The following RAD51B variants were observed in gnomAD, a reference collection of about 807,000 sequenced individuals.
RAD51B encodes RAD51 paralog B, also known as DNA repair protein RAD51 homolog 2.
RAD51B carries 38 observed loss-of-function variants against 42.2 expected under a neutral mutation model. The observed-to-expected ratio is 0.90, with a 90% confidence interval of 0.70 to 1.18. RAD51B has a LOEUF of 1.18. Ranked by LOEUF, RAD51B falls within the 50% of genes most tolerant of loss-of-function variation. RAD51B has a pLI of 0.00. For synonymous variants in RAD51B, 154 were observed against 145.2 expected (o/e 1.06, Z -0.43); for missense variants, 373 against 400.7 (o/e 0.93, Z 0.59).
At chr14:67,887,381 A>G (rs1332677580) in intron 7 of RAD51B, 177 bp downstream of exon 7, 4 of 472,842 alleles carry the variant, frequency 8.5e-6, no homozygotes, top group African/African-American at 8.0e-5. Flanking sequence ...AAATTAGCTC[A>G]TCTGCTGAGA....
At chr14:68,009,380 T>TAG (rs774351528) in intron 7 of RAD51B, among the ~76,000 whole-genome samples, 8 of 151,980 alleles carry the variant, frequency 5.3e-5, no homozygotes, top group Non-Finnish European at 1.2e-4. Flanking sequence ...TATCCTTATC[T>TAG]GTAAAGTAGA....
In RAD51B at chr14:68,521,024, T is replaced by A. The variant is rs75458609; in HGVS notation, c.1036+52774T>A. Among the ~76,000 whole-genome samples, 1,000 of 152,072 alleles carry A rather than the reference T, an allele frequency of 6.6e-3. 11 individuals carry two copies. The highest frequency in any genetic ancestry group is 0.022 in the African/African-American group (894 of 41,460). On this transcript the variant is annotated intron_variant, in intron 10 of 10. Coordinates refer to the RAD51B transcript ENST00000487270. ...CATGGAGCGTTTTGTTTGAGGTACTTGAAAGGGAGATGTCAAGTAGGCAAC... is the reference window on the plus strand; with the variant it reads ...CATGGAGCGTTTTGTTTGAGGTACTAGAAAGGGAGATGTCAAGTAGGCAAC...
intron 7 of RAD51B, among the ~76,000 whole-genome samples, chr14:67,990,312 A>G (rs1263541591): frequency 6.6e-6 from 1 of 152,154 alleles, no homozygotes; most frequent in Non-Finnish European, 1.5e-5. Context: ...TCATTTAATC[A>G]ATTTTGTCAA....
At chr14:68,317,928 T>C (rs1194518192) in intron 8 of RAD51B, among the ~76,000 whole-genome samples, 1 of 152,222 alleles carries the variant, frequency 6.6e-6, no homozygotes, top group Non-Finnish European at 1.5e-5. Context: ...TATTTCTATA[T>C]ACTTATGTCA....
intron 7 of RAD51B, among the ~76,000 whole-genome samples, chr14:68,270,779 T>G (rs2081089468): frequency 6.6e-6 from 1 of 152,212 alleles, no homozygotes; most frequent in South Asian, 2.1e-4. Flanking sequence ...ACCTTACCAT[T>G]TCCATCTTTT....
intron 11 of RAD51B, among the ~76,000 whole-genome samples, chr14:68,668,004 A>G: frequency 6.6e-6 from 1 of 152,138 alleles, no homozygotes; most frequent in Non-Finnish European, 1.5e-5. Context: ...GTAAAGAAGC[A>G]CTTCCCTGGC....
At chr14:68,053,030 A>C (rs2076419123) in intron 7 of RAD51B, among the ~76,000 whole-genome samples, 1 of 151,966 alleles carries the variant, frequency 6.6e-6, no homozygotes, top group African/African-American at 2.4e-5. Context: ...TTTATATTTA[A>C]CCTACGCAAA....
At chr14:68,315,181 T>C (rs953532970) in intron 8 of RAD51B, among the ~76,000 whole-genome samples, 4 of 152,250 alleles carry the variant, frequency 2.6e-5, no homozygotes, top group African/African-American at 9.6e-5. Flanking sequence ...TGGCACAAGC[T>C]GGCTCTACCA....
At chr14:68,184,291 A>C (rs991078535) in intron 7 of RAD51B, among the ~76,000 whole-genome samples, 1 of 152,022 alleles carries the variant, frequency 6.6e-6, no homozygotes, top group South Asian at 2.1e-4. Flanking sequence ...GCTGGAGTGC[A>C]GTGGTGCAAT....
intron 7 of RAD51B, chr14:68,129,931 A>G (rs1427602815): frequency 6.6e-6 from 1 of 152,214 alleles, no homozygotes; most frequent in Non-Finnish European, 1.5e-5. Flanking sequence ...ACTGCGGTGT[A>G]ACCACAAACT....
At chr14:68,489,738 G>C (rs941447369) in intron 10 of RAD51B, among the ~76,000 whole-genome samples, 4 of 152,194 alleles carry the variant, frequency 2.6e-5, no homozygotes, top group Admixed American at 2.6e-4. Context: ...GCAGTAACTA[G>C]AACCAGTCCT....
At chr14:68,069,782 A>G (rs2076711840) in intron 7 of RAD51B, 1 of 152,044 alleles carries the variant, frequency 6.6e-6, no homozygotes. Flanking sequence ...ATGATTTATT[A>G]ATACATTTCT....
At chr14:68,115,374 A>G (rs549234308) in intron 7 of RAD51B, among the ~76,000 whole-genome samples, 59 of 116,180 alleles carry the variant, frequency 5.1e-4, no homozygotes, top group African/African-American at 1.7e-3. Context: ...GAAGGGGAAC[A>G]TCACACTCTG....
At chr14:67,991,508 GATATGATATAAAA>G (rs2075296005) in intron 7 of RAD51B, among the ~76,000 whole-genome samples, 2 of 152,138 alleles carry the variant, frequency 1.3e-5, no homozygotes, top group African/African-American at 2.4e-5. Flanking sequence ...GGATGAGAGG[GATATGATATAAAA>G]ATACGGTTAT....
chr14:68,497,240 A>T, intron 10 of RAD51B: 1 of 1,363,714 alleles, frequency 7.3e-7, no homozygotes, highest in Non-Finnish European at 9.7e-7. Flanking sequence ...TGAAACACCC[A>T]TCGTTCTCTG....
intron 9 of RAD51B, among the ~76,000 whole-genome samples, chr14:68,439,767 A>G (rs1332844172): frequency 6.6e-6 from 1 of 152,260 alleles, no homozygotes; most frequent in Non-Finnish European, 1.5e-5. Flanking sequence ...AAGCTCAGGA[A>G]ACATTTTAAT....
intron 7 of RAD51B, among the ~76,000 whole-genome samples, chr14:68,279,181 G>T (rs1424284380): frequency 6.6e-6 from 1 of 152,218 alleles, no homozygotes; most frequent in African/African-American, 2.4e-5. Context: ...AGTCATTTCA[G>T]TGTGGTGCTA....
intron 7 of RAD51B, among the ~76,000 whole-genome samples, chr14:68,255,222 T>C (rs1176565560): frequency 6.6e-6 from 1 of 152,242 alleles, no homozygotes; most frequent in Non-Finnish European, 1.5e-5. Context: ...AAACTTTTTC[T>C]CTTTGTGGTC....
At chr14:68,044,687 G>A (rs2076270441) in intron 7 of RAD51B, among the ~76,000 whole-genome samples, 1 of 151,964 alleles carries the variant, frequency 6.6e-6, no homozygotes, top group Non-Finnish European at 1.5e-5. Flanking sequence ...ACTTAGTAAA[G>A]ATAACTTTTT....
Sources: allele counts gnomAD v4.1 joint callset (sites outside exome capture counted in the v4.1 genomes callset), GRCh38; gene constraint gnomAD v4.1.1; transcripts MANE v1.5; gene names NCBI Gene and HGNC (gene_info 2026-07-23, HGNC 2026-07-21).